Variants in DOCK3 observed in about 807,000 individuals in gnomAD.
DOCK3 encodes the protein dedicator of cytokinesis 3.
DOCK3 carries 60 observed loss-of-function variants against 265.6 expected under a neutral mutation model. The ratio of observed to expected loss-of-function variants is 0.23; its 90% confidence interval spans 0.18 to 0.28. DOCK3 has a LOEUF of 0.28. DOCK3 is among the 10% of genes least tolerant of loss of function. DOCK3 has a pLI of 1.00. For missense variants in DOCK3, 1,981 were observed against 2,594.3 expected (o/e 0.76, Z 5.14); for synonymous variants, 881 against 938.0 (o/e 0.94, Z 1.11).
chr3:50,934,098 T>G, intron 5 of DOCK3, 21 bp downstream of exon 5: 1 of 1,533,488 alleles, frequency 6.5e-7, no homozygotes, highest in South Asian at 1.2e-5. Flanking sequence ...GATTACTGGT[T>G]TATTGGATCA....
At chr3:51,356,008 TC>T (rs2086335586) in intron 41 of DOCK3, 80 bp from the exon 42 acceptor site, 1 of 1,566,078 alleles carries the variant, frequency 6.4e-7, no homozygotes. Flanking sequence ...GGTGCACTTC[TC>T]CCCTTTGAGG....
intron 5 of DOCK3, among the ~76,000 whole-genome samples, chr3:50,938,272 A>G (rs2051501987): frequency 6.6e-6 from 1 of 152,164 alleles, no homozygotes; most frequent in South Asian, 2.1e-4. Context: ...AAAATAAATA[A>G]AGCAAAACCT....
chr3:51,133,163 G>A (rs2084637282), intron 9 of DOCK3, among the ~76,000 whole-genome samples: 1 of 152,096 alleles, frequency 6.6e-6, no homozygotes, highest in South Asian at 2.1e-4. Context: ...AACTGCTTGA[G>A]TTTTCTTTAT....
At chr3:51,176,051 A>C (rs960268345) in intron 12 of DOCK3, among the ~76,000 whole-genome samples, 1 of 152,210 alleles carries the variant, frequency 6.6e-6, no homozygotes, top group African/African-American at 2.4e-5. Context: ...AGTTGCCACT[A>C]TCTGTAGCCT....
At chr3:50,685,360 G>C (rs1424398069) in intron 1 of DOCK3, among the ~76,000 whole-genome samples, 1 of 152,160 alleles carries the variant, frequency 6.6e-6, no homozygotes, top group Non-Finnish European at 1.5e-5. Flanking sequence ...ATACATGCTT[G>C]AGAGCAATAA....
intron 4 of DOCK3, among the ~76,000 whole-genome samples, chr3:50,919,830 G>A (rs2050338757): frequency 6.6e-6 from 1 of 152,278 alleles, no homozygotes; most frequent in South Asian, 2.1e-4. Context: ...TCTTGTGCCA[G>A]TTTTCAAAGG....
At chr3:50,995,104 T>G (rs1050093589) in intron 5 of DOCK3, among the ~76,000 whole-genome samples, 4 of 151,968 alleles carry the variant, frequency 2.6e-5, no homozygotes, top group African/African-American at 9.7e-5. Context: ...TTAGTATTAT[T>G]TTAATACAGT....
intron 12 of DOCK3, among the ~76,000 whole-genome samples, chr3:51,200,214 G>T (rs1049323376): frequency 3.9e-5 from 6 of 151,902 alleles, no homozygotes. Flanking sequence ...AGAGAAGAAG[G>T]CTTCAGACAA....
chr3:51,232,095 A>G (rs1382324751), intron 19 of DOCK3, among the ~76,000 whole-genome samples: 1 of 152,134 alleles, frequency 6.6e-6, no homozygotes, highest in Non-Finnish European at 1.5e-5. Flanking sequence ...CAGCTATCTC[A>G]GCACCATTCA....
intron 1 of DOCK3, among the ~76,000 whole-genome samples, chr3:50,681,018 T>C (rs1386307349): frequency 6.6e-6 from 1 of 152,196 alleles, no homozygotes; most frequent in Non-Finnish European, 1.5e-5. Flanking sequence ...TTTGAGGTCT[T>C]AGTCATAAAA....
At chr3:50,881,224 G>C (rs1203576666) in intron 3 of DOCK3, 1 of 152,178 alleles carries the variant, frequency 6.6e-6, no homozygotes, top group East Asian at 1.9e-4. Context: ...GCACAAGACA[G>C]GGATGCCCTC....
intron 5 of DOCK3, among the ~76,000 whole-genome samples, chr3:51,043,575 A>C (rs2080630919): frequency 6.6e-6 from 1 of 152,108 alleles, no homozygotes; most frequent in Admixed American, 6.6e-5. Flanking sequence ...CAAAAGCAAA[A>C]ATTGACAAAT....
At chr3:51,199,406 G>C (rs1379389839) in intron 12 of DOCK3, among the ~76,000 whole-genome samples, 1 of 152,176 alleles carries the variant, frequency 6.6e-6, no homozygotes, top group Non-Finnish European at 1.5e-5. Flanking sequence ...TGGCTCGGAG[G>C]GTCCTACACC....
chr3:51,099,602 G>A (rs1455525588), intron 9 of DOCK3, among the ~76,000 whole-genome samples: 3 of 152,224 alleles, frequency 2.0e-5, no homozygotes, highest in Non-Finnish European at 4.4e-5. Context: ...ATCAGAGGTA[G>A]AAGTTACAGT....
chr3:50,798,464 T>C lies in DOCK3; in HGVS notation c.121+19706T>C, dbSNP rs191766204. Reference sequence around the variant, plus strand: ...ATCATCCCACCTGCAATGGCAGATATGGTCTTATTAGTGCCATCTCTCAGA... The same window carrying C: ...ATCATCCCACCTGCAATGGCAGATACGGTCTTATTAGTGCCATCTCTCAGA... On this transcript the variant is annotated intron_variant, in intron 2 of 52. Coordinates refer to ENST00000266037, the MANE Select transcript of DOCK3 (RefSeq NM_004947.5). Among the ~76,000 whole-genome samples the C allele has an allele frequency of 3.9e-5, 6 of 152,326 alleles. No individual in the cohort carries two copies. The East Asian group carries it at 9.6e-4, about 24-fold the overall frequency.
At chr3:51,255,003 A>G (rs2079470272) in intron 22 of DOCK3, among the ~76,000 whole-genome samples, 1 of 152,172 alleles carries the variant, frequency 6.6e-6, no homozygotes, top group South Asian at 2.1e-4. Context: ...GGTGGCTGGT[A>G]CCAGTTGTTC....
At chr3:50,795,404 A>T (rs189300622) in intron 2 of DOCK3, among the ~76,000 whole-genome samples, 1 of 152,050 alleles carries the variant, frequency 6.6e-6, no homozygotes, top group East Asian at 1.9e-4. Context: ...TTTTTTTGAG[A>T]TGGAGTCTTG....
intron 27 of DOCK3, among the ~76,000 whole-genome samples, chr3:51,294,677 C>CAAAAAAAAAAAAA (rs59339067): frequency 8.3e-6 from 1 of 119,868 alleles, no homozygotes; most frequent in African/African-American, 3.2e-5. Context: ...GACTCTATCT[C>CAAAAAAAAAAAAA]AAAAAAAAAA....
intron 1 of DOCK3, among the ~76,000 whole-genome samples, 187 bp from the exon 2 acceptor site, chr3:50,778,488 T>G (rs1486592189): frequency 6.6e-6 from 1 of 152,180 alleles, no homozygotes; most frequent in Non-Finnish European, 1.5e-5. Context: ...TGTATTTTAT[T>G]GTCCCAAACT....
Sources: allele counts gnomAD v4.1 joint callset (sites outside exome capture counted in the v4.1 genomes callset), GRCh38; gene constraint gnomAD v4.1.1; transcripts MANE v1.5; gene names NCBI Gene and HGNC (gene_info 2026-07-23, HGNC 2026-07-21).